Variants in ECI2 observed in about 807,000 individuals in gnomAD.
ECI2 encodes D3,D2-enoyl-CoA isomerase.
Under a neutral mutation model 38.4 loss-of-function variants are expected in ECI2, and 27 were observed. The observed-to-expected ratio is 0.70, with a 90% CI of 0.52 to 0.97. The LOEUF (loss-of-function observed/expected upper bound fraction) is 0.97. ECI2 is among the 50% of genes least tolerant of loss of function. The pLI, the probability that ECI2 is intolerant of heterozygous loss-of-function variation, is 0.00. For missense variants in ECI2, 470 were observed against 474.4 expected (o/e 0.99, Z 0.09); for synonymous variants, 168 against 172.0 (o/e 0.98, Z 0.18).
chr6:4,134,129 G>A (rs1180623558), intron 1 of ECI2, among the ~76,000 whole-genome samples: 2 of 152,234 alleles, frequency 1.3e-5, no homozygotes, highest in Non-Finnish European at 2.9e-5. Context: ...TCACTGATAA[G>A]CCATAAGCTA....
At chr6:4,128,895 G>A (rs1773346017) in intron 4 of ECI2, among the ~76,000 whole-genome samples, 1 of 152,144 alleles carries the variant, frequency 6.6e-6, no homozygotes, top group South Asian at 2.1e-4. Context: ...CGGATACCAA[G>A]GGATGACTGT....
At chr6:4,130,073 G>C (rs1773422340) in intron 4 of ECI2, 1 of 1,592,380 alleles carries the variant, frequency 6.3e-7, no homozygotes, top group East Asian at 2.2e-5. Flanking sequence ...ACCTTAGATG[G>C]CTTCTATGCA....
chr6:4,133,609 T>TA lies in ECI2; in HGVS notation c.152_153insT (p.Lys51AsnfsTer20). On this transcript the variant is annotated frameshift_variant, in exon 2 of 10. Coordinates refer to ENST00000380118, the MANE Select transcript of ECI2 (RefSeq NM_206836.3). LOFTEE classifies it high-confidence loss of function. ...CGTTTCCTGGATCCTTTTTCAAGAGTTTCACTTGATTCATTGAATTTTCAA... is the reference window on the plus strand; with the variant it reads ...CGTTTCCTGGATCCTTTTTCAAGAGTATTCACTTGATTCATTGAATTTTCAA... The TA allele has an allele frequency of 6.2e-7, 1 of 1,613,964 alleles. No individual in the cohort carries two copies. Among genetic ancestry groups the TA allele is most frequent in the Non-Finnish European group, 8.5e-7 (1 of 1,179,956 alleles).
Position 4,130,871 on chromosome 6 carries a change from A to T in ECI2, c.214-6T>A. ...TTACAAGGTCCTTCAGTGGCCTGTG[A>T]AAAGGAGAGGGGCAATATGTTCAAA... On this transcript the variant is annotated splice_region_variant and splice_polypyrimidine_tract_variant and intron_variant, in intron 2 of 9. Coordinates refer to ENST00000380118, the MANE Select transcript of ECI2 (RefSeq NM_206836.3). 6.2e-7 allele frequency: 1 copy of T among 1,613,562 alleles called. No individual in the cohort carries two copies. The highest frequency in any genetic ancestry group is 8.5e-7 in the Non-Finnish European group (1 of 1,179,794).
In ECI2 at chr6:4,115,801, T is replaced by C; in HGVS notation, c.*73A>G. 1.3e-6 allele frequency: 2 copies of C among 1,533,796 alleles called. No homozygotes were observed. Among genetic ancestry groups the C allele is most frequent in the Non-Finnish European group, 1.8e-6 (2 of 1,133,594 alleles). On this transcript the variant is annotated 3_prime_UTR_variant, in exon 10 of 10. Transcript: ENST00000380118. ...TACAAAAGGCACAATGAAGCTTATT[T>C]AGTTCCAGTACTGGAAATCAGAGGT...
At chr6:4,128,279 G>A (rs896507674) in intron 4 of ECI2, among the ~76,000 whole-genome samples, 10 of 151,868 alleles carry the variant, frequency 6.6e-5, no homozygotes, top group African/African-American at 9.7e-5. Context: ...ACAAAGCAAC[G>A]TCTCTGTTGT....
intron 4 of ECI2, 127 bp from the exon 5 acceptor site, chr6:4,127,958 T>A: frequency 2.5e-6 from 2 of 808,856 alleles, no homozygotes; most frequent in Non-Finnish European, 3.7e-6. Context: ...TTTGGTTGTA[T>A]TTTATAACCA....
intron 1 of ECI2, among the ~76,000 whole-genome samples, chr6:4,133,997 A>G (rs1215618560): frequency 6.6e-6 from 1 of 152,244 alleles, no homozygotes; most frequent in Non-Finnish European, 1.5e-5. Flanking sequence ...AGGAATGACC[A>G]TGTAAATTTT....
At chr6:4,131,131 ATC>A (rs1484100109) in intron 2 of ECI2, among the ~76,000 whole-genome samples, 1 of 152,136 alleles carries the variant, frequency 6.6e-6, no homozygotes, top group Non-Finnish European at 1.5e-5. Flanking sequence ...TTCTAAAAAA[ATC>A]TAATGGTTCA....
intron 6 of ECI2, 92 bp from the exon 7 acceptor site, chr6:4,125,462 T>A: frequency 6.4e-7 from 1 of 1,558,634 alleles, no homozygotes; most frequent in South Asian, 1.2e-5. Context: ...TAAAGCCTTC[T>A]GTCAGGCTGG....
chr6:4,133,864 T>A, intron 1 of ECI2, 153 bp from the exon 2 acceptor site: 1 of 857,200 alleles, frequency 1.2e-6, no homozygotes, highest in Non-Finnish European at 1.7e-6. Flanking sequence ...TGCAAATAAT[T>A]GGCTGTAAGG....
Position 4,133,559 on chromosome 6 carries a change from A to C in ECI2, c.203T>G (p.Leu68Arg). 1 of 1,611,272 alleles carries C rather than the reference A, an allele frequency of 6.2e-7. No individual in the cohort carries two copies. Among genetic ancestry groups the C allele is most frequent in the Non-Finnish European group, 8.5e-7 (1 of 1,178,982 alleles). Residue 68 changes from leucine (L) to arginine (R), a missense_variant, in exon 2 of 10, where the codon CTA becomes CGA. By Grantham distance (102) the Leu-to-Arg change is moderately radical (BLOSUM62 -2). Transcript: ENST00000380118. Reference protein sequence around the residue: ...GNEVKLKLYALYKQATEGPCN... With the variant: ...GNEVKLKLYARYKQATEGPCN... ...ACCGTAGGCATTTACCTGCTTATAT[A>C]GCGCGTAGAGTTTTAGCTTCACTTC...
At position 4,125,341 on chromosome 6, in the gene ECI2, G is replaced by A; in HGVS notation, c.704C>T (p.Pro235Leu). 6.2e-7 allele frequency: 1 copy of A among 1,614,090 alleles called. No homozygotes were observed. The highest frequency in any genetic ancestry group is 8.5e-7 in the Non-Finnish European group (1 of 1,180,028). ...ATTGACCACTGCAATCAGAGGCTTAGGAAAATCTATAAAACAGCCCACAAA... is the reference window on the plus strand; with the variant it reads ...ATTGACCACTGCAATCAGAGGCTTAAGAAAATCTATAAAACAGCCCACAAA... ...REFVGCFIDF[P>L]KPLIAVVNGP... is the part of the protein sequence containing the mutation. The change falls in exon 7 of 10, where the codon CCT becomes CTT. Residue 235 changes from proline to leucine, a missense_variant. By Grantham distance (98) the Pro-to-Leu change is moderately conservative. Transcript: ENST00000380118.
At chr6:4,121,305 G>A (rs941572258) in intron 7 of ECI2, among the ~76,000 whole-genome samples, 1 of 152,050 alleles carries the variant, frequency 6.6e-6, no homozygotes, top group African/African-American at 2.4e-5. Context: ...AAGTTAGGCT[G>A]TTTACCTTCC....
rs776934923 is a variant in ECI2 at position 4,130,440 on chromosome 6, T to A, written c.433A>T (p.Thr145Ser). ...KSTGFETLVV[T>S]SEDGITKIMF... ...ATCTTTGTGATGCCATCTTCGGAGG[T>A]CACCACCAGAGTTTCAAACCCAGTT... Residue 145 changes from threonine to serine, a missense_variant, in exon 4 of 10, where the codon ACC (threonine) becomes TCC (serine). Thr to Ser is a moderately conservative substitution (Grantham distance 58, BLOSUM62 1). Coordinates refer to ENST00000380118, the MANE Select transcript of ECI2 (RefSeq NM_206836.3). 13 of 1,613,994 alleles carry A rather than the reference T, an allele frequency of 8.1e-6. No homozygotes were observed. In the Admixed American group the frequency reaches 2.0e-4, roughly 25 times the overall value.
intron 4 of ECI2, among the ~76,000 whole-genome samples, chr6:4,128,040 G>C (rs1773291812): frequency 6.6e-6 from 1 of 152,186 alleles, no homozygotes; most frequent in African/African-American, 2.4e-5. Context: ...TATGTACCTG[G>C]TGCTATGGCA....
chr6:4,119,425 A>C lies in ECI2; in HGVS notation c.796-150T>G, dbSNP rs569982596. The stretch of plus-strand genomic sequence containing the variant: ...AACCTCCACCCCTTGGGTTCAAGCG[A>C]TTCTCCTGCCTCAGCCTCCACAGCA... On this transcript the variant is annotated intron_variant, in intron 7 of 9. Transcript: ENST00000380118. The C allele has an allele frequency of 7.3e-6, 4 of 547,056 alleles. No homozygotes were observed. The South Asian group carries it at 8.3e-5, about 11-fold the overall frequency. 33.9% of individuals were successfully genotyped at this position (547,056 alleles called of 1,614,324 possible). A position where few individuals can be genotyped will look rare whatever the true frequency, so the allele number is the denominator to read the frequency against.
rs1773600723 is a variant in ECI2 at position 4,133,697 on chromosome 6, G to T, written c.65C>A (p.Thr22Asn). 6.2e-7 allele frequency: 1 copy of T among 1,609,436 alleles called. No individual in the cohort carries two copies. Residue 22 changes from threonine to asparagine, a missense_variant, in exon 2 of 10, where the codon ACT becomes AAT. Physicochemically the swap from Thr to Asn is moderately conservative, Grantham distance 65. Transcript: ENST00000380118. ...GTGCAGCTGAACTACCGGGAAACTAGTGACCTGCAGAGAACTACAATTAGG... is the reference window on the plus strand; with the variant it reads ...GTGCAGCTGAACTACCGGGAAACTATTGACCTGCAGAGAACTACAATTAGG... ...RRSCPSSLQV[T>N]SFPVVQLHMN...
At chr6:4,129,713 G>A (rs1015393612) in intron 4 of ECI2, among the ~76,000 whole-genome samples, 2 of 152,142 alleles carry the variant, frequency 1.3e-5, no homozygotes, top group African/African-American at 4.8e-5. Context: ...ATTTTAAAGT[G>A]AGTATGCTCT....
Sources: gnomAD v4.1 joint callset for allele counts (sites outside exome capture counted in the v4.1 genomes callset) on GRCh38, gnomAD v4.1.1 for gene constraint, MANE v1.5 for transcripts, NCBI Gene and HGNC (gene_info 2026-07-23, HGNC 2026-07-21) for gene names.